Variants in RYR2 observed in about 807,000 individuals in gnomAD.
The protein encoded by RYR2 is cardiac muscle ryanodine receptor-calcium release channel.
In RYR2, 227 loss-of-function variants were observed where a neutral mutation model predicts 601.1. That is an observed-to-expected ratio of 0.38 (90% CI 0.34 to 0.42). RYR2 has a LOEUF of 0.42. Among genes scored for constraint, RYR2 ranks in the 10% least tolerant of loss-of-function variants. The pLI is 1.00. For missense variants in RYR2, 4,646 were observed against 6,156.5 expected, an observed-to-expected ratio of 0.75 and a Z score of 8.21; for synonymous variants, 2,223 against 2,175.1, an observed-to-expected ratio of 1.02 and a Z score of -0.61.
intron 12 of RYR2, among the ~76,000 whole-genome samples, chr1:237,430,562 A>G (rs577410554): frequency 6.6e-6 from 1 of 152,268 alleles, no homozygotes; most frequent in African/African-American, 2.4e-5. Flanking sequence ...GAGAATATGA[A>G]GACAGAGAGA....
chr1:237,505,901 T>C (rs1042430210), intron 22 of RYR2, among the ~76,000 whole-genome samples: 4 of 152,210 alleles, frequency 2.6e-5, no homozygotes, highest in Non-Finnish European at 1.5e-5. Context: ...ATTTTGTTTC[T>C]TTTCTGTGAA....
chr1:237,611,962 A>G (rs1282465500), intron 36 of RYR2, among the ~76,000 whole-genome samples: 1 of 152,144 alleles, frequency 6.6e-6, no homozygotes, highest in Non-Finnish European at 1.5e-5. Flanking sequence ...CCACACAAAA[A>G]CTTGTACATG....
At chr1:237,542,166 T>G (rs1669357693) in intron 25 of RYR2, among the ~76,000 whole-genome samples, 1 of 152,050 alleles carries the variant, frequency 6.6e-6, no homozygotes, top group Non-Finnish European at 1.5e-5. Context: ...CCATCTCGGC[T>G]CACCGCAAGC....
At chr1:237,830,050 T>G (rs1222439619) in intron 102 of RYR2, 1 of 157,256 alleles carries the variant, frequency 6.4e-6, no homozygotes, top group African/African-American at 2.4e-5. Context: ...ATGGGATGTC[T>G]CATAGCTTGG....
At chr1:237,617,209 TAC>T in intron 37 of RYR2, 75 bp from the exon 38 acceptor site, 1 of 1,324,298 alleles carries the variant, frequency 7.6e-7, no homozygotes, top group Non-Finnish European at 1.0e-6. Context: ...TAAGGATGTT[TAC>T]CACAGATTAT....
chr1:237,279,483 A>G (rs1016116933), intron 2 of RYR2, among the ~76,000 whole-genome samples: 4 of 152,258 alleles, frequency 2.6e-5, no homozygotes, highest in Non-Finnish European at 4.4e-5. Flanking sequence ...GTCTCAATCA[A>G]TAAATCATTA....
intron 10 of RYR2, among the ~76,000 whole-genome samples, chr1:237,407,852 G>C (rs926964408): frequency 6.6e-6 from 1 of 151,916 alleles, no homozygotes; most frequent in Admixed American, 6.6e-5. Context: ...TCCTGACCTC[G>C]TGATCCACCT....
intron 10 of RYR2, among the ~76,000 whole-genome samples, chr1:237,409,456 T>C (rs10802611): frequency 0.22 from 33,338 of 152,024 alleles, 3,672 homozygotes; most frequent in East Asian, 0.29. Flanking sequence ...TGATGGATTA[T>C]ACTATGGTTC....
intron 1 of RYR2, among the ~76,000 whole-genome samples, chr1:237,095,090 A>G (rs1667381924): frequency 6.6e-6 from 1 of 152,246 alleles, no homozygotes; most frequent in African/African-American, 2.4e-5. Flanking sequence ...ATCGTTGCAA[A>G]TTAAAATGTT....
chr1:237,320,933 T>C (rs1039871839), intron 2 of RYR2, among the ~76,000 whole-genome samples: 1 of 151,296 alleles, frequency 6.6e-6, no homozygotes, highest in Non-Finnish European at 1.5e-5. Context: ...GTGTGTGTGA[T>C]TTTTTTAGAG....
In RYR2 at chr1:237,535,213, G is replaced by A. The variant is rs374401061; in HGVS notation, c.2906+4703G>A. On this transcript the variant is annotated intron_variant, in intron 25 of 104. Coordinates refer to ENST00000366574, the MANE Select transcript of RYR2 (RefSeq NM_001035.3). ...CAATATTAATGAATTTGGTGGGGGC[G>A]GGATGAAATATAAACACCAATGATG... 2.2e-3 allele frequency among the ~76,000 whole-genome samples: 338 copies of A among 151,570 alleles called. 1 individual carries two copies. The highest frequency in any genetic ancestry group is 8.0e-3 in the African/African-American group (332 of 41,392).
At chr1:237,470,785 T>C (rs1660630673) in intron 17 of RYR2, among the ~76,000 whole-genome samples, 1 of 151,646 alleles carries the variant, frequency 6.6e-6, no homozygotes, top group African/African-American at 2.4e-5. Flanking sequence ...GGAGTGAGTT[T>C]AGGAGCAGAG....
At chr1:237,543,001 T>C (rs1669463751) in intron 25 of RYR2, among the ~76,000 whole-genome samples, 1 of 152,200 alleles carries the variant, frequency 6.6e-6, no homozygotes, top group Admixed American at 6.5e-5. Flanking sequence ...CTGGAGGCCC[T>C]GGGTTCTTTA....
At chr1:237,580,736 T>C (rs955871107) in intron 29 of RYR2, among the ~76,000 whole-genome samples, 1 of 152,142 alleles carries the variant, frequency 6.6e-6, no homozygotes, top group African/African-American at 2.4e-5. Context: ...TAATTCAGGT[T>C]AAATGAGGTA....
intron 1 of RYR2, among the ~76,000 whole-genome samples, chr1:237,150,984 C>T (rs145218581): frequency 2.6e-5 from 4 of 152,028 alleles, no homozygotes; most frequent in African/African-American, 7.2e-5. Context: ...CTCAGGGTTT[C>T]GATTTTGAAA....
At chr1:237,195,659 G>T (rs542812182) in intron 1 of RYR2, among the ~76,000 whole-genome samples, 4 of 152,110 alleles carry the variant, frequency 2.6e-5, no homozygotes, top group Non-Finnish European at 4.4e-5. Flanking sequence ...TGGATTAGTG[G>T]TTAACAAGTA....
chr1:237,346,280 G>A (rs961091067), intron 3 of RYR2, among the ~76,000 whole-genome samples: 2 of 149,956 alleles, frequency 1.3e-5, no homozygotes, highest in African/African-American at 4.9e-5. Flanking sequence ...GAGGTGGGAA[G>A]ATTGCTTGAG....
rs895086218 is a variant in RYR2 at position 237,595,599 on chromosome 1, C to T, written c.4538C>T (p.Ala1513Val). 3.7e-6 allele frequency: 6 copies of T among 1,613,276 alleles called. 1 individual carries two copies. Among genetic ancestry groups the T allele is most frequent in the Non-Finnish European group, 4.2e-6 (5 of 1,179,642 alleles). ...NGLEIGCVVD[A>V]ASGLLTFIAN... ...CTGGAGATTGGCTGTGTGGTGGATG[C>T]TGCCAGCGGGCTGCTCACATTCATT... is the stretch of plus-strand genomic sequence containing the variant. Residue 1513 changes from alanine to valine, a missense_variant, in exon 34 of 105, where the codon GCT (alanine) becomes GTT (valine). Physicochemically the swap from Ala to Val is moderately conservative, Grantham distance 64 (BLOSUM62 0). Around this residue, in one of 17 missense-constraint regions of RYR2, gnomAD observed 1,807 missense variants for 2,088.1 expected, o/e 0.87. Coordinates refer to ENST00000366574, the MANE Select transcript of RYR2 (RefSeq NM_001035.3).
intron 64 of RYR2, among the ~76,000 whole-genome samples, chr1:237,700,028 G>T (rs576695246): frequency 6.6e-6 from 1 of 152,128 alleles, no homozygotes. Context: ...GACTATGAAG[G>T]CATTTGGAAA....
Sources: allele counts gnomAD v4.1 joint callset (sites outside exome capture counted in the v4.1 genomes callset), GRCh38; gene constraint gnomAD v4.1.1; regional missense constraint gnomAD v4.1.1; transcripts MANE v1.5; gene names NCBI Gene and HGNC (gene_info 2026-07-23, HGNC 2026-07-21).